Variants in NR1I3 observed in about 807,000 individuals in gnomAD.
NR1I3 encodes nuclear receptor subfamily 1 group I member 3, also known as constitutive activator of retinoid response.
NR1I3 carries 30 observed loss-of-function variants against 38.4 expected under a neutral mutation model. That is an observed-to-expected ratio of 0.78 (90% confidence interval 0.58 to 1.06). The LOEUF is 1.06. NR1I3 is among the 50% of genes least tolerant of loss of function. The pLI, the probability that NR1I3 is intolerant of heterozygous loss-of-function variation, is 0.00. For missense variants in NR1I3, 388 were observed against 435.7 expected, an observed-to-expected ratio of 0.89 and a Z score of 0.97; for synonymous variants, 143 against 165.1, an observed-to-expected ratio of 0.87 and a Z score of 1.03.
At chr1:161,231,038 TG>T in intron 7 of NR1I3, 78 bp downstream of exon 7, 1 of 1,613,514 alleles carries the variant, frequency 6.2e-7, no homozygotes, top group Non-Finnish European at 8.5e-7. Flanking sequence ...CTAGAAGGCC[TG>T]GGTGGATGGA....
intron 3 of NR1I3, 92 bp downstream of exon 3, chr1:161,235,755 A>G: frequency 1.3e-6 from 2 of 1,527,600 alleles, no homozygotes; most frequent in Non-Finnish European, 8.9e-7. Flanking sequence ...CAAAAAGAGT[A>G]CTGTGCCTGC....
At chr1:161,230,960 G>A in intron 7 of NR1I3, 42 bp from the exon 8 acceptor site, 1 of 1,613,422 alleles carries the variant, frequency 6.2e-7, no homozygotes, top group Admixed American at 1.7e-5. Flanking sequence ...GGGTGGCAGG[G>A]GTGGGCCTGC....
In NR1I3 at chr1:161,235,839, C is replaced by T. The variant is rs1668510489; in HGVS notation, c.238+8G>A. 6.2e-7 allele frequency: 1 copy of T among 1,614,004 alleles called. No homozygotes were observed. ...AATGGATTCTTGAGATGTAGGGGGCCAACTCACTGTCTTTCCTCATGCCAG... is the reference window on the plus strand; with the variant it reads ...AATGGATTCTTGAGATGTAGGGGGCTAACTCACTGTCTTTCCTCATGCCAG... On this transcript the variant is annotated splice_region_variant and intron_variant, in intron 3 of 8. Transcript: ENST00000367983.
In NR1I3 at chr1:161,233,336, T is replaced by A; in HGVS notation, c.241A>T (p.Ile81Leu). 6.2e-7 allele frequency: 1 copy of A among 1,613,036 alleles called. No individual in the cohort carries two copies. Among genetic ancestry groups the A allele is most frequent in the Non-Finnish European group, 8.5e-7 (1 of 1,179,842 alleles). ...CLDAGMRKDM[I>L]LSAEALALRR... The stretch of plus-strand genomic sequence containing the variant: ...AATGCCAGGGCTTCTGCCGACAGTA[T>A]CACTGTGCCAGGCAAGAGATCATGA... The change falls in exon 4 of 9, where the codon ATA becomes TTA. Residue 81 changes from isoleucine to leucine, a missense_variant and splice_region_variant. Ile to Leu is a conservative substitution (Grantham distance 5, BLOSUM62 2). Transcript: ENST00000367983.
intron 2 of NR1I3, 67 bp downstream of exon 2, chr1:161,236,392 G>A: frequency 6.3e-7 from 1 of 1,582,916 alleles, no homozygotes; most frequent in East Asian, 2.2e-5. Context: ...CACCAGCGAG[G>A]GTGTAAAGGC....
chr1:161,231,229 C>T lies in NR1I3; in HGVS notation c.699G>A (p.Gly233=), dbSNP rs774699125. 4 of 1,614,148 alleles carry T rather than the reference C, an allele frequency of 2.5e-6. No individual in the cohort carries two copies. The highest frequency in any genetic ancestry group is 1.1e-5 in the South Asian group (1 of 91,088). ...GCAACTCCAAAAACTCTACCTGGAACCCCACTGTGGGAGATACTAGGATTA... is the reference window on the plus strand; with the variant it reads ...GCAACTCCAAAAACTCTACCTGGAATCCCACTGTGGGAGATACTAGGATTA... ...RYTIEDGARV[G]FQVEFLELLF... The change falls in exon 7 of 9, where the codon GGG becomes GGA. Residue 233 remains glycine (G), a synonymous_variant. Transcript: ENST00000367983.
intron 1 of NR1I3, 145 bp from the exon 2 acceptor site, chr1:161,236,743 C>CTT: frequency 1.2e-6 from 1 of 829,674 alleles, no homozygotes; most frequent in Non-Finnish European, 1.8e-6. Flanking sequence ...TTTTCTTTTT[C>CTT]TTTTTCTTTT....
intron 3 of NR1I3, among the ~76,000 whole-genome samples, chr1:161,234,134 A>G (rs903761697): frequency 9.3e-5 from 14 of 150,480 alleles, no homozygotes; most frequent in Admixed American, 2.0e-4. Context: ...CTGGGATTAC[A>G]GGCACCCACC....
At position 161,233,029 on chromosome 1, in the gene NR1I3, C is replaced by T. The variant is rs556771392; in HGVS notation, c.409-83G>A. ...CGCCAGCCTTATCTTGGAAGAGTTC[C>T]TTGCTGAGAAGCCTGCTCAGGCTGG... On this transcript the variant is annotated intron_variant, in intron 4 of 8. Transcript: ENST00000367983. 55 of 1,591,454 alleles carry T rather than the reference C, an allele frequency of 3.5e-5. 1 individual carries two copies. The South Asian group carries it at 5.1e-4, about 15-fold the overall frequency.
intron 7 of NR1I3, 74 bp downstream of exon 7, chr1:161,231,043 G>A (rs1375615618): frequency 6.2e-7 from 1 of 1,613,216 alleles, no homozygotes; most frequent in Non-Finnish European, 8.5e-7. Context: ...AGGCCTGGGT[G>A]GATGGACTCA....
At position 161,229,791 on chromosome 1, in the gene NR1I3, A is replaced by T; in HGVS notation, c.*6T>A. On this transcript the variant is annotated 3_prime_UTR_variant, in exon 9 of 9. Transcript: ENST00000367983. Reference sequence around the variant, plus strand: ...AGGTGAGCTGGGGAAGGAAGTGAGCATGGCCTCAGCTGCAGATCTCCTGGA... The same window carrying T: ...AGGTGAGCTGGGGAAGGAAGTGAGCTTGGCCTCAGCTGCAGATCTCCTGGA... 1 of 1,614,240 alleles carries T rather than the reference A, an allele frequency of 6.2e-7. No individual in the cohort carries two copies. Among genetic ancestry groups the T allele is most frequent in the Non-Finnish European group, 8.5e-7 (1 of 1,180,046 alleles).
intron 3 of NR1I3, among the ~76,000 whole-genome samples, chr1:161,234,452 G>T (rs1187534122): frequency 6.6e-6 from 1 of 152,240 alleles, no homozygotes; most frequent in Non-Finnish European, 1.5e-5. Flanking sequence ...TTCAGACCAA[G>T]ATCCTTTGAC....
intron 8 of NR1I3, 166 bp downstream of exon 8, chr1:161,230,647 T>G (rs1440583636): frequency 1.2e-6 from 1 of 858,918 alleles, no homozygotes; most frequent in East Asian, 2.6e-5. Context: ...GCAATTTGGA[T>G]GCTGAAACGA....
intron 8 of NR1I3, 138 bp from the exon 9 acceptor site, chr1:161,230,064 A>G: frequency 9.7e-7 from 1 of 1,032,502 alleles, no homozygotes; most frequent in Non-Finnish European, 1.4e-6. Flanking sequence ...ATGCTCTGGT[A>G]TGACAGACTA....
intron 4 of NR1I3, 108 bp downstream of exon 4, chr1:161,233,061 G>C (rs1360309988): frequency 1.9e-6 from 3 of 1,575,154 alleles, no homozygotes; most frequent in Non-Finnish European, 2.6e-6. Flanking sequence ...CTGGGGTTCT[G>C]GAGATCTGTT....
At chr1:161,234,159 A>T (rs1228859542) in intron 3 of NR1I3, among the ~76,000 whole-genome samples, 2 of 139,216 alleles carry the variant, frequency 1.4e-5, no homozygotes, top group African/African-American at 2.6e-5. Context: ...CGCCCTGCTA[A>T]TTTTTTTTTT....
At chr1:161,231,006 GT>G (rs1210403755) in intron 7 of NR1I3, 88 bp from the exon 8 acceptor site, 3 of 1,613,034 alleles carry the variant, frequency 1.9e-6, no homozygotes, top group Non-Finnish European at 2.5e-6. Context: ...GATAGACCTA[GT>G]CTGCAGGTTT....
intron 3 of NR1I3, 185 bp downstream of exon 3, chr1:161,235,662 A>G: frequency 1.6e-6 from 1 of 614,290 alleles, no homozygotes; most frequent in Non-Finnish European, 2.8e-6. Context: ...GTGTTGTGGG[A>G]GAGCTAGATC....
intron 3 of NR1I3, 130 bp downstream of exon 3, chr1:161,235,717 G>T: frequency 8.6e-7 from 1 of 1,163,066 alleles, no homozygotes; most frequent in Non-Finnish European, 1.2e-6. Flanking sequence ...GATGTCTTGA[G>T]TGAATAGTGA....
Sources: gnomAD v4.1 joint callset for allele counts (sites outside exome capture counted in the v4.1 genomes callset) on GRCh38, gnomAD v4.1.1 for gene constraint, MANE v1.5 for transcripts, NCBI Gene and HGNC (gene_info 2026-07-23, HGNC 2026-07-21) for gene names.